UVRAG: variants seen among roughly 807,000 people sequenced by gnomAD.
UVRAG encodes UV radiation resistance associated.
UVRAG carries 19 observed loss-of-function variants against 78.0 expected under a neutral mutation model. The ratio of observed to expected loss-of-function variants is 0.24; its 90% CI spans 0.17 to 0.36. The LOEUF (loss-of-function observed/expected upper bound fraction) is 0.36, where lower values mean the gene tolerates loss of function less well. Ranked by LOEUF, UVRAG falls within the 10% of genes least tolerant of loss-of-function variation. The pLI, the probability that UVRAG is intolerant of heterozygous loss-of-function variation, is 1.00. For synonymous variants in UVRAG, 323 were observed against 324.6 expected, an observed-to-expected ratio of 1.00 and a Z score of 0.05; for missense variants, 740 against 853.8, an observed-to-expected ratio of 0.87 and a Z score of 1.66.
At chr11:75,972,957 T>C (rs1026356754) in intron 7 of UVRAG, among the ~76,000 whole-genome samples, 1 of 152,222 alleles carries the variant, frequency 6.6e-6, no homozygotes, top group African/African-American at 2.4e-5. Context: ...GGATTTTCTA[T>C]ATGGAAACAA....
At chr11:75,922,952 G>GA (rs1403974602) in intron 6 of UVRAG, among the ~76,000 whole-genome samples, 2 of 141,854 alleles carry the variant, frequency 1.4e-5, no homozygotes, top group African/African-American at 5.2e-5. Context: ...AAAAAAAAAA[G>GA]AAAAACGAAC....
intron 14 of UVRAG, among the ~76,000 whole-genome samples, chr11:76,138,545 T>C (rs932485052): frequency 3.3e-5 from 5 of 152,270 alleles, no homozygotes; most frequent in African/African-American, 1.2e-4. Flanking sequence ...CTGTTCCTCT[T>C]GTGCGGCAAG....
At chr11:76,013,829 C>CT (rs1418215653) in intron 11 of UVRAG, among the ~76,000 whole-genome samples, 5 of 152,194 alleles carry the variant, frequency 3.3e-5, no homozygotes, top group African/African-American at 1.2e-4. Context: ...TGTAATGCTT[C>CT]ACCCATGGTC....
At chr11:75,931,186 C>T (rs1271733175) in intron 6 of UVRAG, among the ~76,000 whole-genome samples, 1 of 151,458 alleles carries the variant, frequency 6.6e-6, no homozygotes, top group African/African-American at 2.4e-5. Flanking sequence ...ATTTTTTTCA[C>T]TATGGACCAT....
intron 11 of UVRAG, among the ~76,000 whole-genome samples, chr11:76,010,314 A>G (rs574094137): frequency 1.3e-5 from 2 of 152,298 alleles, no homozygotes; most frequent in South Asian, 2.1e-4. Flanking sequence ...CTCTCCTTCC[A>G]TGGAGCTTAT....
chr11:76,064,704 A>AT (rs1951155209), intron 12 of UVRAG, among the ~76,000 whole-genome samples: 1 of 152,082 alleles, frequency 6.6e-6, no homozygotes, highest in South Asian at 2.1e-4. Context: ...TATTTCCTTT[A>AT]TTTTATTTTC....
intron 5 of UVRAG, among the ~76,000 whole-genome samples, chr11:75,894,119 C>T (rs1211654933): frequency 6.6e-6 from 1 of 152,066 alleles, no homozygotes; most frequent in African/African-American, 2.4e-5. Flanking sequence ...TGTAAGCTAA[C>T]AAACAAAAAT....
intron 1 of UVRAG, among the ~76,000 whole-genome samples, chr11:75,826,294 T>TA (rs1945509755): frequency 6.6e-6 from 1 of 152,118 alleles, no homozygotes; most frequent in Non-Finnish European, 1.5e-5. Flanking sequence ...TAGCTGATAT[T>TA]ACAGGTGCCC....
In UVRAG at chr11:76,101,934, C is replaced by T. The variant is rs140404600; in HGVS notation, c.1306-13990C>T. Among the ~76,000 whole-genome samples, 14 of 152,258 alleles carry T rather than the reference C, an allele frequency of 9.2e-5. No individual in the cohort carries two copies. In the East Asian group the frequency reaches 2.7e-3, roughly 29 times the overall value. On this transcript the variant is annotated intron_variant, in intron 13 of 14. Coordinates refer to ENST00000356136, the MANE Select transcript of UVRAG (RefSeq NM_003369.4). ...GGGGGGTCTATTCTATTCCATTGGT[C>T]TATGTGTCTGTTTTTGTACCAGTAC...
chr11:75,981,155 A>G (rs1021081591), intron 7 of UVRAG, among the ~76,000 whole-genome samples: 7 of 151,972 alleles, frequency 4.6e-5, no homozygotes, highest in African/African-American at 1.7e-4. Flanking sequence ...CCTGTCGCCC[A>G]GACTGGAGTG....
At chr11:75,956,387 C>CT (rs1591061179) in intron 6 of UVRAG, among the ~76,000 whole-genome samples, 3 of 139,888 alleles carry the variant, frequency 2.1e-5, no homozygotes, top group African/African-American at 8.6e-5. Context: ...GCAATTCTTG[C>CT]CTTTTTTTTT....
chr11:75,818,028 C>T (rs1945298591), intron 1 of UVRAG, among the ~76,000 whole-genome samples: 1 of 151,966 alleles, frequency 6.6e-6, no homozygotes, highest in Middle Eastern at 3.2e-3. Context: ...CCACTGCACT[C>T]CAGCCTGGGT....
intron 3 of UVRAG, among the ~76,000 whole-genome samples, chr11:75,862,259 T>C (rs1453979149): frequency 2.6e-5 from 4 of 152,218 alleles, no homozygotes; most frequent in African/African-American, 2.4e-5. Context: ...TGTTCAGATA[T>C]AGTTCTTAAG....
rs199624764 is a variant in UVRAG at position 75,980,348 on chromosome 11, T to TA, written c.700-3038dup. Among the ~76,000 whole-genome samples the TA allele has an allele frequency of 4.1e-3, 628 of 152,270 alleles. 4 individuals carry two copies. The highest frequency in any genetic ancestry group is 0.015 in the African/African-American group (604 of 41,566). ...AGCCAATTTTGTTATTTTTTATTTT[T>TA]ATGGATGGGGTTTCACTGTATTGCC... On this transcript the variant is annotated intron_variant, in intron 7 of 14. Coordinates refer to ENST00000356136, the MANE Select transcript of UVRAG (RefSeq NM_003369.4).
intron 13 of UVRAG, among the ~76,000 whole-genome samples, chr11:76,094,949 C>T (rs868578790): frequency 9.9e-5 from 15 of 152,174 alleles, no homozygotes; most frequent in African/African-American, 3.4e-4. Context: ...CCAGTCATCC[C>T]GCTTTAAAGT....
chr11:75,934,347 G>C (rs1318303598), intron 6 of UVRAG, among the ~76,000 whole-genome samples: 1 of 152,132 alleles, frequency 6.6e-6, no homozygotes, highest in African/African-American at 2.4e-5. Flanking sequence ...AGGCTGGGAA[G>C]GGTAGTAAAA....
At chr11:76,068,485 T>C (rs1565146825) in intron 13 of UVRAG, among the ~76,000 whole-genome samples, 1 of 152,230 alleles carries the variant, frequency 6.6e-6, no homozygotes, top group Non-Finnish European at 1.5e-5. Context: ...AGTATCCTCC[T>C]CTGTGGATTT....
At chr11:75,932,211 T>C (rs1241832508) in intron 6 of UVRAG, among the ~76,000 whole-genome samples, 1 of 152,140 alleles carries the variant, frequency 6.6e-6, no homozygotes. Flanking sequence ...AAAAATCCGC[T>C]AAGCAAATTG....
At chr11:76,077,048 A>G (rs1246439355) in intron 13 of UVRAG, among the ~76,000 whole-genome samples, 1 of 150,042 alleles carries the variant, frequency 6.7e-6, no homozygotes, top group Non-Finnish European at 1.5e-5. Flanking sequence ...TGAAAGAATG[A>G]ATGATGAATG....
Sources: allele counts gnomAD v4.1 joint callset (sites outside exome capture counted in the v4.1 genomes callset), GRCh38; gene constraint gnomAD v4.1.1; transcripts MANE v1.5; gene names NCBI Gene and HGNC (gene_info 2026-07-23, HGNC 2026-07-21).